Variants in FAM184B observed in about 807,000 individuals in gnomAD.
FAM184B encodes protein FAM184B.
A neutral mutation model predicts 135.9 loss-of-function variants in FAM184B; 111 were observed. The ratio of observed to expected loss-of-function variants is 0.82; its 90% CI spans 0.70 to 0.96. The LOEUF is 0.96. Ranked by LOEUF, FAM184B falls within the 40% of genes least tolerant of loss-of-function variation. The probability of loss-of-function intolerance (pLI) is 0.00; values close to 1 mark genes in which losing one functional copy is unlikely to be tolerated. For missense variants in FAM184B, 1,375 were observed against 1,323.9 expected (o/e 1.04, Z -0.60); for synonymous variants, 552 against 524.8 (o/e 1.05, Z -0.71).
intron 11 of FAM184B, among the ~76,000 whole-genome samples, chr4:17,650,598 A>C (rs1447884675): frequency 6.6e-6 from 1 of 152,162 alleles, no homozygotes; most frequent in Non-Finnish European, 1.5e-5. Context: ...AATCACCAGG[A>C]TGTCCAGCCT....
At chr4:17,719,858 T>C (rs754806975) in intron 1 of FAM184B, among the ~76,000 whole-genome samples, 1 of 152,204 alleles carries the variant, frequency 6.6e-6, no homozygotes, top group Non-Finnish European at 1.5e-5. Context: ...GTGATGTCCA[T>C]GTTACTAAAA....
intron 7 of FAM184B, among the ~76,000 whole-genome samples, chr4:17,664,878 C>T (rs76754791): frequency 0.015 from 2,280 of 152,184 alleles, 52 homozygotes; most frequent in African/African-American, 0.052. Flanking sequence ...AGCCCTGAGC[C>T]CTGTATCCTG....
At chr4:17,739,907 C>T (rs113175989) in intron 1 of FAM184B, among the ~76,000 whole-genome samples, 3 of 152,072 alleles carry the variant, frequency 2.0e-5, no homozygotes, top group African/African-American at 4.8e-5. Context: ...ATCTAAGAGG[C>T]GAATGCACTT....
chr4:17,715,317 A>C (rs116561412), intron 1 of FAM184B, among the ~76,000 whole-genome samples: 154 of 152,210 alleles, frequency 1.0e-3, no homozygotes, highest in African/African-American at 3.6e-3. Flanking sequence ...TCCATTAAAA[A>C]TTAAAAAATT....
At chr4:17,659,106 A>G (rs1206141307) in intron 9 of FAM184B, among the ~76,000 whole-genome samples, 2 of 148,242 alleles carry the variant, frequency 1.3e-5, no homozygotes, top group African/African-American at 5.2e-5. Context: ...TATATAAAAT[A>G]TCTTTTTTTT....
chr4:17,771,588 G>A (rs1718818217), intron 1 of FAM184B, among the ~76,000 whole-genome samples: 3 of 152,164 alleles, frequency 2.0e-5, no homozygotes, highest in Non-Finnish European at 1.5e-5. Flanking sequence ...GCAAGCAAGA[G>A]GATATTTTCA....
At position 17,636,660 on chromosome 4, in the gene FAM184B, C is replaced by G; in HGVS notation, c.2667-15G>C. On this transcript the variant is annotated splice_polypyrimidine_tract_variant and intron_variant, in intron 14 of 17. Transcript: ENST00000265018. ...AATCTTTCAGTCTGTTCCAAGCAGG[C>G]ATGCAGTCAAGTCCCCCTTACAGCA... 6.5e-7 allele frequency: 1 copy of G among 1,534,642 alleles called. No homozygotes were observed. Among genetic ancestry groups the G allele is most frequent in the Non-Finnish European group, 8.8e-7 (1 of 1,138,132 alleles).
At chr4:17,644,084 G>T (rs545145125) in intron 12 of FAM184B, among the ~76,000 whole-genome samples, 1 of 152,172 alleles carries the variant, frequency 6.6e-6, no homozygotes, top group African/African-American at 2.4e-5. Context: ...TGGCACAGGC[G>T]AAGGCCAAAG....
intron 1 of FAM184B, among the ~76,000 whole-genome samples, chr4:17,735,929 A>G (rs1717898049): frequency 6.6e-6 from 1 of 152,240 alleles, no homozygotes; most frequent in South Asian, 2.1e-4. Context: ...CATAGTTGGC[A>G]TAGTTGGTTT....
chr4:17,724,825 A>C (rs767269584), intron 1 of FAM184B, among the ~76,000 whole-genome samples: 7 of 152,082 alleles, frequency 4.6e-5, no homozygotes, highest in Non-Finnish European at 1.0e-4. Flanking sequence ...GTCCTGCCTA[A>C]ATATTTCTGG....
intron 7 of FAM184B, among the ~76,000 whole-genome samples, chr4:17,671,449 A>G (rs1184362794): frequency 6.6e-6 from 1 of 152,034 alleles, no homozygotes; most frequent in African/African-American, 2.4e-5. Flanking sequence ...AATGAAAACC[A>G]CAGCTTCCTG....
At chr4:17,661,797 T>C (rs766155743) in intron 8 of FAM184B, among the ~76,000 whole-genome samples, 1 of 152,150 alleles carries the variant, frequency 6.6e-6, no homozygotes, top group African/African-American at 2.4e-5. Flanking sequence ...CACCACCAGG[T>C]AAGCACTCCC....
chr4:17,736,452 C>T (rs933373890), intron 1 of FAM184B, among the ~76,000 whole-genome samples: 3 of 152,124 alleles, frequency 2.0e-5, no homozygotes, highest in Admixed American at 1.3e-4. Context: ...AAAAAACTCT[C>T]CAAAAGTACA....
chr4:17,634,109 C>G (rs1367300406), intron 16 of FAM184B: 2 of 370,100 alleles, frequency 5.4e-6, no homozygotes, highest in Non-Finnish European at 9.5e-6. Flanking sequence ...ACCAAAACTT[C>G]TGGAGATGGA....
At chr4:17,642,821 A>C (rs1205507953) in intron 12 of FAM184B, among the ~76,000 whole-genome samples, 2 of 152,254 alleles carry the variant, frequency 1.3e-5, no homozygotes, top group Non-Finnish European at 2.9e-5. Flanking sequence ...TTGTGCTAGA[A>C]TGTCTGTAGT....
At chr4:17,730,298 C>T (rs1717746351) in intron 1 of FAM184B, among the ~76,000 whole-genome samples, 2 of 152,132 alleles carry the variant, frequency 1.3e-5, no homozygotes, top group South Asian at 4.1e-4. Flanking sequence ...ATTGGTGTAC[C>T]TGAAAGTGAC....
intron 1 of FAM184B, among the ~76,000 whole-genome samples, chr4:17,749,537 GGATT>G (rs1718247911): frequency 6.6e-6 from 1 of 151,844 alleles, no homozygotes; most frequent in Non-Finnish European, 1.5e-5. Flanking sequence ...TCTAAAAATT[GGATT>G]ATTAAAAACT....
intron 1 of FAM184B, among the ~76,000 whole-genome samples, chr4:17,742,767 G>T (rs1364881885): frequency 6.6e-6 from 1 of 152,198 alleles, no homozygotes. Context: ...ACTCAATAAA[G>T]TCTTCCACAT....
intron 1 of FAM184B, among the ~76,000 whole-genome samples, chr4:17,761,243 GTC>G (rs138081185): frequency 1.6e-4 from 24 of 148,630 alleles, no homozygotes; most frequent in Non-Finnish European, 2.8e-4. Flanking sequence ...GAGACAGCAG[GTC>G]TCTCTCTCTC....
Sources: gnomAD v4.1 joint callset for allele counts (sites outside exome capture counted in the v4.1 genomes callset) on GRCh38, gnomAD v4.1.1 for gene constraint, MANE v1.5 for transcripts, NCBI Gene and HGNC (gene_info 2026-07-23, HGNC 2026-07-21) for gene names.